The following CNOT10 variants were observed in gnomAD, a reference collection of about 807,000 sequenced individuals.
CNOT10 encodes CCR4-NOT transcription complex, subunit 10.
CNOT10 carries 30 observed loss-of-function variants against 94.6 expected under a neutral mutation model. The observed-to-expected ratio is 0.32, with a 90% CI of 0.24 to 0.43. The LOEUF (loss-of-function observed/expected upper bound fraction) is 0.43. Among genes scored for constraint, CNOT10 ranks in the 20% least tolerant of loss-of-function variants. The pLI is 1.00. For missense variants in CNOT10, 759 were observed against 877.2 expected, an observed-to-expected ratio of 0.87 and a Z score of 1.70; for synonymous variants, 289 against 301.6, an observed-to-expected ratio of 0.96 and a Z score of 0.43.
Position 32,737,009 on chromosome 3 carries a change from T to C in CNOT10, c.1515-401T>C, listed in dbSNP as rs12631738. Among the ~76,000 whole-genome samples the C allele has an allele frequency of 5.4e-3, 817 of 152,272 alleles. 5 individuals carry two copies. Among genetic ancestry groups the C allele is most frequent in the South Asian group, 0.012 (57 of 4,824 alleles). ...CCATTGTTTAACTCTTTTACACTTT[T>C]GTTGTAAAAAGTTACATGGGAGGCC... On this transcript the variant is annotated intron_variant, in intron 12 of 18. Coordinates refer to ENST00000328834, the MANE Select transcript of CNOT10 (RefSeq NM_015442.3).
In CNOT10 at chr3:32,765,059, C is replaced by G. The variant is rs1446565727; in HGVS notation, c.2004+250C>G. The G allele has an allele frequency of 8.6e-6, 11 of 1,273,680 alleles. No individual in the cohort carries two copies. The Admixed American group carries it at 2.5e-4, about 29-fold the overall frequency. The allele number at this position is 1,273,680 out of a possible 1,614,324, so 78.9% of individuals were successfully genotyped here. A position where few individuals can be genotyped will look rare whatever the true frequency, so the allele number is the denominator to read the frequency against. On this transcript the variant is annotated intron_variant, in intron 17 of 18. Transcript: ENST00000328834. ...AATTTTTTTTTGCCAGGCACAGTGG[C>G]TCATGCCTCCCAGCACTTTGGGAGG...
chr3:32,755,400 C>T (rs1700187173), intron 13 of CNOT10, among the ~76,000 whole-genome samples: 1 of 147,844 alleles, frequency 6.8e-6, no homozygotes, highest in Non-Finnish European at 1.5e-5. Flanking sequence ...CTCACTGCAA[C>T]CTTTGCCTCC....
rs114870890 is a variant in CNOT10 at position 32,743,645 on chromosome 3, C to T, written c.1595+6155C>T. Among the ~76,000 whole-genome samples the T allele has an allele frequency of 8.4e-4, 128 of 152,102 alleles. 3 individuals carry two copies. In the East Asian group the frequency reaches 0.02, roughly 24 times the overall value. ...TGAGACTCTGTCTCACATACACACACGCACAAAAAGTAGTATATTGTCTTA... is the reference window on the plus strand; with the variant it reads ...TGAGACTCTGTCTCACATACACACATGCACAAAAAGTAGTATATTGTCTTA... On this transcript the variant is annotated intron_variant, in intron 13 of 18. Coordinates refer to ENST00000328834, the MANE Select transcript of CNOT10 (RefSeq NM_015442.3).
chr3:32,694,372 C>T (rs972053207), intron 1 of CNOT10, among the ~76,000 whole-genome samples: 4 of 151,924 alleles, frequency 2.6e-5, no homozygotes, highest in Admixed American at 6.6e-5. Flanking sequence ...TGTCTAAGTT[C>T]GGTGTAAAAA....
chr3:32,739,865 C>T (rs1699378013), intron 13 of CNOT10, among the ~76,000 whole-genome samples: 1 of 152,020 alleles, frequency 6.6e-6, no homozygotes, highest in Non-Finnish European at 1.5e-5. Flanking sequence ...GCAGAAGTTG[C>T]AGTAAGCCAA....
chr3:32,716,187 T>G, intron 5 of CNOT10, 38 bp from the exon 6 acceptor site: 1 of 1,117,452 alleles, frequency 8.9e-7, no homozygotes, highest in South Asian at 1.6e-5. Flanking sequence ...TGGTCAAAAA[T>G]ATTTAATTTT....
Position 32,747,423 on chromosome 3 carries a change from C to CAATA in CNOT10, c.1595+9956_1595+9959dup, listed in dbSNP as rs752514872. ...GGGCAACAAGAGTGAAACTCCGTCT[C>CAATA]AATAAATAAATAAATAAATAAATAA... On this transcript the variant is annotated intron_variant, in intron 13 of 18. Transcript: ENST00000328834. 9.6e-3 allele frequency among the ~76,000 whole-genome samples: 1,450 copies of CAATA among 151,728 alleles called. 8 individuals carry two copies. Among genetic ancestry groups the CAATA allele is most frequent in the Non-Finnish European group, 0.013 (885 of 67,926 alleles).
chr3:32,730,103 T>C (rs1231240736), intron 10 of CNOT10, among the ~76,000 whole-genome samples: 2 of 152,204 alleles, frequency 1.3e-5, no homozygotes, highest in African/African-American at 4.8e-5. Context: ...AAGAAGCAAA[T>C]AGAAATTGCT....
chr3:32,732,822 A>C (rs1358102509), intron 10 of CNOT10, among the ~76,000 whole-genome samples: 1 of 152,196 alleles, frequency 6.6e-6, no homozygotes, highest in Non-Finnish European at 1.5e-5. Context: ...ATCTTAATCA[A>C]ATATCCTAAA....
intron 18 of CNOT10, 40 bp downstream of exon 18, chr3:32,770,002 G>C: frequency 6.5e-7 from 1 of 1,534,738 alleles, no homozygotes; most frequent in South Asian, 1.1e-5. Flanking sequence ...TCCCTTGAAA[G>C]AGCCTGAGAT....
At chr3:32,707,761 C>G (rs1288207844) in intron 3 of CNOT10, among the ~76,000 whole-genome samples, 1 of 152,076 alleles carries the variant, frequency 6.6e-6, no homozygotes, top group Non-Finnish European at 1.5e-5. Flanking sequence ...TGAGTTCGTG[C>G]CACTGCACTC....
chr3:32,694,869 G>A (rs1450523380), intron 1 of CNOT10, among the ~76,000 whole-genome samples: 1 of 152,068 alleles, frequency 6.6e-6, no homozygotes, highest in East Asian at 1.9e-4. Flanking sequence ...GATTATAGGT[G>A]TGAGTCACCG....
intron 6 of CNOT10, among the ~76,000 whole-genome samples, chr3:32,716,745 T>A (rs946251438): frequency 6.6e-6 from 1 of 152,180 alleles, no homozygotes; most frequent in Non-Finnish European, 1.5e-5. Flanking sequence ...CCTCCCAGTT[T>A]CAAGCGATTC....
At chr3:32,734,521 A>G (rs1699094637) in intron 11 of CNOT10, among the ~76,000 whole-genome samples, 1 of 152,178 alleles carries the variant, frequency 6.6e-6, no homozygotes, top group Non-Finnish European at 1.5e-5. Flanking sequence ...GTTAACATTA[A>G]CATTGTGATA....
chr3:32,772,359 A>T lies in CNOT10; in HGVS notation c.2081-1098A>T, dbSNP rs987393913. 2.6e-5 allele frequency among the ~76,000 whole-genome samples: 4 copies of T among 151,830 alleles called. No individual in the cohort carries two copies. The East Asian group carries it at 7.8e-4, about 30-fold the overall frequency. ...GCGAGACTCCGTCTCAAAAAAAAAA[A>T]GGGACATAAATGAAGTCACAGCCAA... On this transcript the variant is annotated intron_variant, in intron 18 of 18. Transcript: ENST00000328834.
rs1029744120 is a variant in CNOT10 at position 32,718,453 on chromosome 3, G to A, written c.744+1216G>A. On this transcript the variant is annotated intron_variant, in intron 7 of 18. Coordinates refer to ENST00000328834, the MANE Select transcript of CNOT10 (RefSeq NM_015442.3). ...CAAAAAATGAGCCGGGCGTGGTGGCGGGCGCCTGTAGTCCCAGCTACTCGG... is the reference window on the plus strand; with the variant it reads ...CAAAAAATGAGCCGGGCGTGGTGGCAGGCGCCTGTAGTCCCAGCTACTCGG... Among the ~76,000 whole-genome samples, 10 of 149,208 alleles carry A rather than the reference G, an allele frequency of 6.7e-5. No homozygotes were observed. In the East Asian group the frequency reaches 8.0e-4, roughly 12 times the overall value.
chr3:32,719,230 C>T (rs979694006), intron 7 of CNOT10, among the ~76,000 whole-genome samples: 37 of 152,080 alleles, frequency 2.4e-4, no homozygotes, highest in African/African-American at 8.4e-4. Context: ...GCCTGGGCAA[C>T]GGAGCGAGAC....
Position 32,711,417 on chromosome 3 carries a change from A to C in CNOT10, c.431-1810A>C, listed in dbSNP as rs1231693284. Among the ~76,000 whole-genome samples the C allele has an allele frequency of 2.0e-5, 3 of 152,340 alleles. No individual in the cohort carries two copies. The East Asian group carries it at 5.8e-4, about 29-fold the overall frequency. ...TTGTTTAGGGAACAATGATGGGGAA[A>C]ACGTCTGTACATATTCAGTGCAGAT... On this transcript the variant is annotated intron_variant, in intron 4 of 18. Coordinates refer to ENST00000328834, the MANE Select transcript of CNOT10 (RefSeq NM_015442.3).
chr3:32,754,093 ACT>A (rs1037379692), intron 13 of CNOT10, among the ~76,000 whole-genome samples: 10 of 149,720 alleles, frequency 6.7e-5, no homozygotes, highest in Non-Finnish European at 1.2e-4. Context: ...AGAGCAAAAA[ACT>A]CTGTCTCAAA....
Sources: gnomAD v4.1 joint callset for allele counts (sites outside exome capture counted in the v4.1 genomes callset) on GRCh38, gnomAD v4.1.1 for gene constraint, MANE v1.5 for transcripts, NCBI Gene and HGNC (gene_info 2026-07-23, HGNC 2026-07-21) for gene names.